TMC8: variants seen among roughly 807,000 people sequenced by gnomAD.
The protein encoded by TMC8 is transmembrane channel-like protein 8.
In TMC8, 71 loss-of-function variants were observed where a neutral mutation model predicts 76.0. The ratio of observed to expected loss-of-function variants is 0.93; its 90% CI spans 0.77 to 1.14. The LOEUF (loss-of-function observed/expected upper bound fraction) is 1.14. Ranked by LOEUF, TMC8 falls within the 50% of genes most tolerant of loss-of-function variation. The pLI is 0.00. For missense variants in TMC8, 924 were observed against 947.9 expected (o/e 0.97, Z 0.33); for synonymous variants, 433 against 433.8 (o/e 1.00, Z 0.02).
chr17:78,137,802 C>G lies in TMC8; in HGVS notation c.1337C>G (p.Thr446Ser). 18 of 1,613,340 alleles carry G rather than the reference C, an allele frequency of 1.1e-5. No individual in the cohort carries two copies. The highest frequency in any genetic ancestry group is 1.4e-5 in the Non-Finnish European group (17 of 1,179,984). Reference protein sequence around the residue: ...LLTVAFAFLVTLPRRLLVDRF... With the variant: ...LLTVAFAFLVSLPRRLLVDRF... ...ACCGTGGCCTTCGCCTTCCTGGTCA[C>G]CCTGCCTCGGAGGTGAGCCCCGGGG... The change falls in exon 11 of 16, where the codon ACC becomes AGC. Residue 446 changes from threonine (T) to serine (S), a missense_variant. Thr to Ser is a moderately conservative substitution (Grantham distance 58). Transcript: ENST00000318430.
At chr17:78,138,210 G>T (rs751470035) in intron 12 of TMC8, 22 bp downstream of exon 12, 1 of 1,613,652 alleles carries the variant, frequency 6.2e-7, no homozygotes, top group Non-Finnish European at 8.5e-7. Context: ...TGGCTGGGGG[G>T]TATGGGGTTC....
At position 78,134,933 on chromosome 17, in the gene TMC8, G is replaced by T. The variant is rs1225450626; in HGVS notation, c.1051G>T (p.Gly351Cys). The T allele has an allele frequency of 6.2e-7, 1 of 1,614,078 alleles. No homozygotes were observed. The highest frequency in any genetic ancestry group is 1.1e-5 in the South Asian group (1 of 91,082). ...PGVIALVNFL[G>C]PLLFTFLVQL... ...GGTCATCGCCCTGGTCAACTTCCTG[G>T]GTCCCCTGCTGTTCACATTTCTGGT... Residue 351 changes from glycine to cysteine, a missense_variant, in exon 9 of 16, where the codon GGT becomes TGT. Transcript: ENST00000318430.
Position 78,132,796 on chromosome 17 carries a change from TGCCCTGGTA to T in TMC8, c.461_469del (p.Pro154_Ser156del). On this transcript the variant is annotated inframe_deletion, in exon 5 of 16. Transcript: ENST00000318430. ...CCCTTCCTCCTCAACAGCCCTCCAG[TGCCCTGGTA>T]GCCGCCAGTCCCCGCCTGGCGTTTT... is the stretch of plus-strand genomic sequence containing the variant. 6.2e-7 allele frequency: 1 copy of T among 1,614,174 alleles called. No homozygotes were observed. Among genetic ancestry groups the T allele is most frequent in the Non-Finnish European group, 8.5e-7 (1 of 1,180,006 alleles).
intron 8 of TMC8, 104 bp downstream of exon 8, chr17:78,134,668 C>T (rs1006533002): frequency 2.7e-5 from 41 of 1,538,872 alleles, no homozygotes; most frequent in South Asian, 3.5e-5. Context: ...GAGGTTCAAT[C>T]GGTCGTGGCC....
At chr17:78,135,118 C>T in intron 9 of TMC8, 109 bp downstream of exon 9, 2 of 1,445,730 alleles carry the variant, frequency 1.4e-6, no homozygotes, top group Non-Finnish European at 9.6e-7. Flanking sequence ...GAGGCTTCCC[C>T]CTTCACTAGT....
chr17:78,137,321 G>T lies in TMC8; in HGVS notation c.1214G>T (p.Ser405Ile). 6.2e-7 allele frequency: 1 copy of T among 1,614,042 alleles called. No individual in the cohort carries two copies. Among genetic ancestry groups the T allele is most frequent in the African/African-American group, 1.3e-5 (1 of 75,052 alleles). ...TILCIGRDKS[S>I]CESYGYNVCD... is the part of the protein sequence containing the mutation. ...CTGTGCATTGGCAGAGACAAGAGCA[G>T]CTGTGAGTCCTACGGCTACAACGTT... is the stretch of plus-strand genomic sequence containing the variant. Residue 405 changes from serine (S) to isoleucine (I), a missense_variant, in exon 10 of 16, where the codon AGC becomes ATC. Physicochemically the swap from Ser to Ile is moderately radical, Grantham distance 142. Coordinates refer to ENST00000318430, the MANE Select transcript of TMC8 (RefSeq NM_152468.5).
In TMC8 at chr17:78,138,436, G is replaced by A; in HGVS notation, c.1621G>A (p.Gly541Ser). The A allele has an allele frequency of 6.2e-7, 1 of 1,613,184 alleles. No homozygotes were observed. The highest frequency in any genetic ancestry group is 8.5e-7 in the Non-Finnish European group (1 of 1,180,002). ...TFFFQLVLLLGLLLAAVPLGY... is the reference protein window; with the variant it reads ...TFFFQLVLLLSLLLAAVPLGY... Reference sequence around the variant, plus strand: ...CTTCTTCCAGCTAGTGCTCCTCCTGGGCCTGCTTCTGGCTGCAGTGCCCCT... The same window carrying A: ...CTTCTTCCAGCTAGTGCTCCTCCTGAGCCTGCTTCTGGCTGCAGTGCCCCT... Residue 541 changes from glycine (G) to serine (S), a missense_variant, in exon 13 of 16, where the codon GGC (glycine) becomes AGC (serine). Gly to Ser is a moderately conservative substitution (Grantham distance 56). Coordinates refer to ENST00000318430, the MANE Select transcript of TMC8 (RefSeq NM_152468.5).
chr17:78,139,030 C>T, intron 14 of TMC8, 132 bp from the exon 15 acceptor site: 10 of 1,579,654 alleles, frequency 6.3e-6, no homozygotes, highest in Non-Finnish European at 8.6e-6. Context: ...GTCCCATCCT[C>T]AGATACAGCA....
rs2075289076 is a variant in TMC8, at chr17:78,138,329, G to A, written c.1534-20G>A. The A allele has an allele frequency of 6.2e-7, 1 of 1,610,554 alleles. No homozygotes were observed. Among genetic ancestry groups the A allele is most frequent in the Non-Finnish European group, 8.5e-7 (1 of 1,179,986 alleles). On this transcript the variant is annotated intron_variant, in intron 12 of 15. Coordinates refer to ENST00000318430, the MANE Select transcript of TMC8 (RefSeq NM_152468.5). ...CTGCATAACTCGCTGACTCCTGGTTGCTATTGCTTGCGCCCCCAGTACACC... is the reference window on the plus strand; with the variant it reads ...CTGCATAACTCGCTGACTCCTGGTTACTATTGCTTGCGCCCCCAGTACACC...
In TMC8 at chr17:78,131,915, G is replaced by T. The variant is rs1201674417; in HGVS notation, c.183G>T (p.Leu61Phe). 4 of 1,496,272 alleles carry T rather than the reference G, an allele frequency of 2.7e-6. No homozygotes were observed. In the East Asian group the frequency reaches 7.6e-5, roughly 28 times the overall value. The allele number at this position is 1,496,272 out of a possible 1,614,324, so 92.7% of individuals were successfully genotyped here. A position where few individuals can be genotyped will look rare whatever the true frequency, so the allele number is the denominator to read the frequency against. The change falls in exon 3 of 16, where the codon TTG becomes TTT. Residue 61 changes from leucine (L) to phenylalanine (F), a missense_variant. Physicochemically the swap from Leu to Phe is conservative, Grantham distance 22 (BLOSUM62 0). Transcript: ENST00000318430. Reference sequence around the variant, plus strand: ...GGGAGCCCGCGGGGGTGCAGACCTTGCGCTGGCAGCGGTGGCAGCGCCGGC... The same window carrying T: ...GGGAGCCCGCGGGGGTGCAGACCTTTCGCTGGCAGCGGTGGCAGCGCCGGC... ...QLREPAGVQT[L>F]RWQRWQRRRQ...
rs1416488031 is a variant in TMC8, at chr17:78,131,719, T to C, written c.131T>C (p.Met44Thr). 1 of 1,584,786 alleles carries C rather than the reference T, an allele frequency of 6.3e-7. No homozygotes were observed. Among genetic ancestry groups the C allele is most frequent in the African/African-American group, 1.3e-5 (1 of 74,540 alleles). Residue 44 changes from methionine to threonine, a missense_variant, in exon 2 of 16, where the codon ATG becomes ACG. Coordinates refer to ENST00000318430, the MANE Select transcript of TMC8 (RefSeq NM_152468.5). The stretch of plus-strand genomic sequence containing the variant: ...GTGCGCGGGCTGCCCTATGCCATGA[T>C]GGACAAGCGCCTCATCTGGTGGGTG... ...TPVRGLPYAMMDKRLIWQLRE... is the reference protein window; with the variant it reads ...TPVRGLPYAMTDKRLIWQLRE...
chr17:78,139,306 G>A lies in TMC8; in HGVS notation c.1902+66G>A, dbSNP rs190978746. 4.2e-3 allele frequency: 6,599 copies of A among 1,580,142 alleles called. 22 individuals are homozygous for A. The highest frequency in any genetic ancestry group is 5.1e-3 in the Non-Finnish European group (5,879 of 1,154,990). On this transcript the variant is annotated intron_variant, in intron 15 of 15. Transcript: ENST00000318430. ...TGGAAACCCTTCCCTATGTGTGGCC[G>A]AGGGCCTAGAACACGTCTGAGCGGG...
Position 78,131,635 on chromosome 17 carries a change from C to G in TMC8, c.47C>G (p.Pro16Arg). ...SVSSERAPGV[P>R]EPEELWEAEM... is the part of the protein sequence containing the mutation. ...TCATCGGAGCGGGCCCCTGGGGTGC[C>G]GGAGCCGGAGGAGCTGTGGGAGGCA... Residue 16 changes from proline (P) to arginine (R), a missense_variant, in exon 2 of 16, where the codon CCG (proline) becomes CGG (arginine). Coordinates refer to ENST00000318430, the MANE Select transcript of TMC8 (RefSeq NM_152468.5). 1.3e-6 allele frequency: 2 copies of G among 1,555,156 alleles called. No homozygotes were observed. The highest frequency in any genetic ancestry group is 1.7e-6 in the Non-Finnish European group (2 of 1,150,628).
Position 78,134,569 on chromosome 17 carries a change from C to G in TMC8, c.987+5C>G. The G allele has an allele frequency of 6.2e-7, 1 of 1,613,978 alleles. No individual in the cohort carries two copies. The highest frequency in any genetic ancestry group is 8.5e-7 in the Non-Finnish European group (1 of 1,179,998). ...TACTCACAGGACAACAAGGAGGTGTCAGGCAACTGCATTCATTTAATCCTG... is the reference window on the plus strand; with the variant it reads ...TACTCACAGGACAACAAGGAGGTGTGAGGCAACTGCATTCATTTAATCCTG... On this transcript the variant is annotated splice_donor_5th_base_variant and intron_variant, in intron 8 of 15. Coordinates refer to ENST00000318430, the MANE Select transcript of TMC8 (RefSeq NM_152468.5).
chr17:78,138,034 T>C lies in TMC8; in HGVS notation c.1379T>C (p.Phe460Ser). ...CTGGTGGACCGGTTCTCAGGCCGGT[T>C]CTGGGCCTGGCTGGAACGGGAGGAG... ...RLLVDRFSGR[F>S]WAWLEREEFL... The change falls in exon 12 of 16, where the codon TTC (phenylalanine) becomes TCC (serine). Residue 460 changes from phenylalanine (F) to serine (S), a missense_variant. By Grantham distance (155) the Phe-to-Ser change is radical (BLOSUM62 -2). Transcript: ENST00000318430. The C allele has an allele frequency of 1.2e-6, 2 of 1,614,026 alleles. No homozygotes were observed. The highest frequency in any genetic ancestry group is 2.2e-5 in the South Asian group (2 of 91,076).
intron 10 of TMC8, 70 bp from the exon 11 acceptor site, chr17:78,137,647 C>A: frequency 7.1e-7 from 1 of 1,406,450 alleles, no homozygotes; most frequent in South Asian, 1.2e-5. Context: ...GAAACCCTCA[C>A]AGGAGGCTAA....
chr17:78,136,834 G>A (rs2075245489), intron 9 of TMC8: 7 of 337,098 alleles, frequency 2.1e-5, no homozygotes. Flanking sequence ...GGCCAAGGCG[G>A]GTGGATCACC....
chr17:78,132,654 GT>G, intron 4 of TMC8, 133 bp from the exon 5 acceptor site: 1 of 1,493,474 alleles, frequency 6.7e-7, no homozygotes, highest in South Asian at 1.2e-5. Context: ...CTCGCCTTGT[GT>G]GGGGCACGCC....
At position 78,132,128 on chromosome 17, in the gene TMC8, C is replaced by G. The variant is rs189348567; in HGVS notation, c.298+98C>G. 3,795 of 1,516,474 alleles carry G rather than the reference C, an allele frequency of 2.5e-3. 82 individuals carry two copies. The African/African-American group carries it at 0.045, about 18-fold the overall frequency. The allele number at this position is 1,516,474 out of a possible 1,614,324, so 93.9% of individuals were successfully genotyped here. A position where few individuals can be genotyped will look rare whatever the true frequency, so the allele number is the denominator to read the frequency against. On this transcript the variant is annotated intron_variant, in intron 3 of 15. Transcript: ENST00000318430. ...TGGCATCATCCCACCTGCCTTCACC[C>G]GGGTCCCCCGACCAATCGGCCCCTC... is the stretch of plus-strand genomic sequence containing the variant.
Sources: gnomAD v4.1 joint callset for allele counts on GRCh38, gnomAD v4.1.1 for gene constraint, MANE v1.5 for transcripts, NCBI Gene and HGNC (gene_info 2026-07-23, HGNC 2026-07-21) for gene names.